Variants in CCDC148 observed in about 807,000 individuals in gnomAD.
CCDC148 encodes coiled-coil domain-containing protein 148.
A neutral mutation model predicts 85.7 loss-of-function variants in CCDC148; 89 were observed. The ratio of observed to expected loss-of-function variants is 1.04; its 90% confidence interval spans 0.87 to 1.24. The LOEUF (loss-of-function observed/expected upper bound fraction) is 1.24. CCDC148 is among the 50% of genes most tolerant of loss of function. The probability of loss-of-function intolerance (pLI) is 0.00; values close to 1 mark genes in which losing one functional copy is unlikely to be tolerated. For synonymous variants in CCDC148, 230 were observed against 213.9 expected (o/e 1.08, Z -0.66); for missense variants, 692 against 671.7 (o/e 1.03, Z -0.33).
chr2:158,422,601 T>C (rs147310121), intron 1 of CCDC148, among the ~76,000 whole-genome samples: 2,425 of 152,236 alleles, frequency 0.016, 25 homozygotes, highest in Middle Eastern at 0.037. Flanking sequence ...ACAAGAGATA[T>C]TTATGACAAA....
At chr2:158,399,411 C>T (rs1374024679) in intron 1 of CCDC148, among the ~76,000 whole-genome samples, 2 of 152,100 alleles carry the variant, frequency 1.3e-5, no homozygotes, top group South Asian at 4.1e-4. Flanking sequence ...AGCAGTACAT[C>T]AAAAAGCTTA....
At chr2:158,455,650 A>T (rs1688631633) in intron 1 of CCDC148, among the ~76,000 whole-genome samples, 2 of 150,160 alleles carry the variant, frequency 1.3e-5, no homozygotes, top group Non-Finnish European at 3.0e-5. Context: ...CTCCTTACTA[A>T]AGAGATTAGT....
At chr2:158,410,381 T>C (rs1005968606) in intron 1 of CCDC148, among the ~76,000 whole-genome samples, 13 of 152,176 alleles carry the variant, frequency 8.5e-5, no homozygotes, top group Non-Finnish European at 1.5e-4. Context: ...GAACTTCTTA[T>C]TGTCATTTTG....
intron 11 of CCDC148, among the ~76,000 whole-genome samples, chr2:158,201,407 T>C (rs1685945928): frequency 7.2e-6 from 1 of 139,770 alleles, no homozygotes; most frequent in Non-Finnish European, 1.6e-5. Context: ...TTTTCTTTTA[T>C]TTGTTACTAT....
intron 10 of CCDC148, among the ~76,000 whole-genome samples, chr2:158,233,598 C>G (rs1452803939): frequency 6.6e-6 from 1 of 151,760 alleles, no homozygotes; most frequent in East Asian, 1.9e-4. Context: ...TTTCTTATAT[C>G]AGCTCATATG....
chr2:158,313,609 CA>C, intron 8 of CCDC148, 146 bp downstream of exon 8: 1 of 904,272 alleles, frequency 1.1e-6, no homozygotes. Context: ...CACAGGCTTT[CA>C]AACTATTATA....
At chr2:158,384,223 T>C (rs1684991696) in intron 1 of CCDC148, among the ~76,000 whole-genome samples, 1 of 152,188 alleles carries the variant, frequency 6.6e-6, no homozygotes, top group African/African-American at 2.4e-5. Flanking sequence ...TCTTCCTACT[T>C]GTATTTTGTG....
intron 1 of CCDC148, among the ~76,000 whole-genome samples, chr2:158,420,670 C>T (rs1686732042): frequency 6.6e-6 from 1 of 152,178 alleles, no homozygotes; most frequent in Admixed American, 6.5e-5. Context: ...TAGGAAGAAA[C>T]TGCATCAAGT....
chr2:158,216,232 G>T (rs1188538267), intron 11 of CCDC148, among the ~76,000 whole-genome samples: 1 of 151,732 alleles, frequency 6.6e-6, no homozygotes, highest in Non-Finnish European at 1.5e-5. Context: ...TGAGGGTAGT[G>T]GTTAAGGGCA....
intron 1 of CCDC148, among the ~76,000 whole-genome samples, chr2:158,382,617 A>G (rs1684920953): frequency 6.6e-6 from 1 of 152,152 alleles, no homozygotes; most frequent in African/African-American, 2.4e-5. Flanking sequence ...ATAATTTTAA[A>G]ACCAAATCTG....
intron 1 of CCDC148, among the ~76,000 whole-genome samples, chr2:158,389,032 G>A (rs796339803): frequency 2.0e-5 from 3 of 152,108 alleles, no homozygotes; most frequent in African/African-American, 7.2e-5. Flanking sequence ...CTGTCACAAA[G>A]GTAACTCTTG....
intron 11 of CCDC148, among the ~76,000 whole-genome samples, chr2:158,211,987 T>C (rs989536859): frequency 6.6e-6 from 1 of 152,218 alleles, no homozygotes; most frequent in African/African-American, 2.4e-5. Context: ...TCTCCCACAA[T>C]TTGTTTTGTT....
intron 2 of CCDC148, among the ~76,000 whole-genome samples, chr2:158,347,332 C>T (rs1683043674): frequency 6.6e-6 from 1 of 151,850 alleles, no homozygotes; most frequent in African/African-American, 2.4e-5. Context: ...ATTAAGTAGA[C>T]TATAAAAGTC....
intron 1 of CCDC148, among the ~76,000 whole-genome samples, chr2:158,442,576 C>T (rs900597852): frequency 1.3e-5 from 2 of 152,144 alleles, no homozygotes; most frequent in African/African-American, 4.8e-5. Flanking sequence ...CAGGCTTTTG[C>T]CCAACATTTG....
intron 9 of CCDC148, among the ~76,000 whole-genome samples, chr2:158,283,960 G>C (rs1260520302): frequency 6.6e-6 from 1 of 151,280 alleles, no homozygotes; most frequent in Non-Finnish European, 1.5e-5. Context: ...AAAATGATGA[G>C]TTCATGTCCT....
intron 9 of CCDC148, among the ~76,000 whole-genome samples, chr2:158,252,865 G>T (rs559341885): frequency 6.6e-6 from 1 of 151,814 alleles, no homozygotes; most frequent in East Asian, 1.9e-4. Flanking sequence ...AACTCTTTAA[G>T]ACTTAGCTTT....
intron 1 of CCDC148, among the ~76,000 whole-genome samples, chr2:158,375,154 C>T (rs1055614720): frequency 2.0e-5 from 3 of 151,898 alleles, no homozygotes; most frequent in African/African-American, 7.2e-5. Context: ...GGTGAGAACC[C>T]CAGAGTCTGA....
At position 158,178,949 on chromosome 2, in the gene CCDC148, T is replaced by C; in HGVS notation, c.1418A>G (p.Lys473Arg). 1 of 1,613,152 alleles carries C rather than the reference T, an allele frequency of 6.2e-7. No homozygotes were observed. The highest frequency in any genetic ancestry group is 2.2e-5 in the East Asian group (1 of 44,800). ...ATGAGCTTCTTGAAGGGCCACTTCC[T>C]TTTTCTCCATCAAACGCCTTTCCAA... ...ELLERRLMEK[K>R]EVALQEAHED... is the part of the protein sequence containing the mutation. Residue 473 changes from lysine to arginine, a missense_variant, in exon 12 of 14, where the codon AAG (lysine) becomes AGG (arginine). Physicochemically the swap from Lys to Arg is conservative, Grantham distance 26. Transcript: ENST00000283233.
At chr2:158,438,788 G>A (rs549152581) in intron 1 of CCDC148, among the ~76,000 whole-genome samples, 86 of 151,992 alleles carry the variant, frequency 5.7e-4, no homozygotes, top group Non-Finnish European at 7.2e-4. Flanking sequence ...AGAAAAAAAC[G>A]AACAACCCCA....
Sources: gnomAD v4.1 joint callset for allele counts (sites outside exome capture counted in the v4.1 genomes callset) on GRCh38, gnomAD v4.1.1 for gene constraint, MANE v1.5 for transcripts, NCBI Gene and HGNC (gene_info 2026-07-23, HGNC 2026-07-21) for gene names.